The following HAAO variants were observed in gnomAD, a reference collection of about 807,000 sequenced individuals.
HAAO encodes the protein 3-hydroxyanthranilate 3,4-dioxygenase, also known as 3-hydroxyanthranilate oxygenase.
In HAAO, 49 loss-of-function variants were observed where a neutral mutation model predicts 46.2. The ratio of observed to expected loss-of-function variants is 1.06; its 90% CI spans 0.84 to 1.34. The LOEUF is 1.34. Among genes scored for constraint, HAAO ranks in the 40% most tolerant of loss-of-function variants. HAAO has a pLI of 0.00. For synonymous variants in HAAO, 157 were observed against 145.2 expected, an observed-to-expected ratio of 1.08 and a Z score of -0.58; for missense variants, 408 against 364.5, an observed-to-expected ratio of 1.12 and a Z score of -0.97.
chr2:42,778,441 T>G (rs1671750598), intron 4 of HAAO, among the ~76,000 whole-genome samples: 1 of 152,144 alleles, frequency 6.6e-6, no homozygotes, highest in Non-Finnish European at 1.5e-5. Context: ...ACAATTCTTC[T>G]GCCTCAGCCT....
chr2:42,784,235 C>G (rs1672227545), intron 2 of HAAO, among the ~76,000 whole-genome samples: 1 of 152,226 alleles, frequency 6.6e-6, no homozygotes, highest in African/African-American at 2.4e-5. Context: ...ACTTTTCCAC[C>G]AGAAACCTTC....
intron 4 of HAAO, among the ~76,000 whole-genome samples, chr2:42,776,590 A>G (rs1671593233): frequency 1.4e-5 from 2 of 145,636 alleles, no homozygotes; most frequent in African/African-American, 5.1e-5. Flanking sequence ...TCTGTACCTT[A>G]TGATGGAAAT....
chr2:42,776,104 G>A (rs1217623687), intron 4 of HAAO, among the ~76,000 whole-genome samples: 3 of 151,758 alleles, frequency 2.0e-5, no homozygotes, highest in African/African-American at 4.8e-5. Flanking sequence ...CCCAGGATTC[G>A]GTGTGGACTT....
At chr2:42,770,430 G>A in intron 5 of HAAO, 63 bp downstream of exon 5, 2 of 1,185,940 alleles carry the variant, frequency 1.7e-6, no homozygotes, top group Non-Finnish European at 1.2e-6. Flanking sequence ...TTTCTCCCAG[G>A]GCATCAGGTG....
At chr2:42,780,482 A>G (rs1352688446) in intron 4 of HAAO, among the ~76,000 whole-genome samples, 1 of 151,940 alleles carries the variant, frequency 6.6e-6, no homozygotes, top group East Asian at 2.0e-4. Flanking sequence ...CTGGGATTAC[A>G]GGCGTGAGCC....
intron 1 of HAAO, chr2:42,788,897 T>A (rs920229037): frequency 2.5e-6 from 1 of 396,574 alleles, no homozygotes; most frequent in African/African-American, 2.0e-5. Flanking sequence ...TATGGCTTCA[T>A]CAACCAGGAT....
chr2:42,777,680 T>G (rs1381025179), intron 4 of HAAO, among the ~76,000 whole-genome samples: 3 of 152,150 alleles, frequency 2.0e-5, no homozygotes, highest in Non-Finnish European at 4.4e-5. Context: ...AATAATTATG[T>G]AAATGCAATA....
At position 42,767,686 on chromosome 2, in the gene HAAO, G is replaced by A; in HGVS notation, c.700-9C>T. 6.4e-7 allele frequency: 1 copy of A among 1,569,152 alleles called. No individual in the cohort carries two copies. Among genetic ancestry groups the A allele is most frequent in the South Asian group, 1.1e-5 (1 of 87,004 alleles). On this transcript the variant is annotated splice_polypyrimidine_tract_variant and intron_variant, in intron 8 of 9. Transcript: ENST00000294973. The stretch of plus-strand genomic sequence containing the variant: ...ACCACCGAGGAGCCCTCCTGGAGAA[G>A]AGGAGCAGGAGAATCAAATGGAGAC...
chr2:42,767,550 G>A (rs1393652936), intron 9 of HAAO, 35 bp from the exon 10 acceptor site: 1 of 1,592,806 alleles, frequency 6.3e-7, no homozygotes, highest in Admixed American at 1.7e-5. Context: ...ATCACACAGA[G>A]TTGGACCCTG....
chr2:42,778,362 A>C (rs1391314287), intron 4 of HAAO, among the ~76,000 whole-genome samples: 1 of 151,822 alleles, frequency 6.6e-6, no homozygotes, highest in Admixed American at 6.6e-5. Flanking sequence ...GGAGTCTTGC[A>C]CTGTTGCCTG....
intron 2 of HAAO, among the ~76,000 whole-genome samples, chr2:42,788,085 C>A (rs1347403366): frequency 6.6e-6 from 1 of 152,180 alleles, no homozygotes; most frequent in African/African-American, 2.4e-5. Context: ...GCCCCTCGAA[C>A]TCCCTCTGCC....
Position 42,767,475 on chromosome 2 carries a change from C to T in HAAO, c.823G>A (p.Val275Met). The change falls in exon 10 of 10, where the codon GTG becomes ATG. Residue 275 changes from valine to methionine, a missense_variant. Val to Met is a conservative substitution (Grantham distance 21, BLOSUM62 1). Transcript: ENST00000294973. ...ERTQGSVALS[V>M]TQDPACKKPL... ...TTCTTGCAGGCAGGGTCCTGGGTCA[C>T]AGACAGGGCCACAGAGCCTTGTGTT... 2 of 1,613,346 alleles carry T rather than the reference C, an allele frequency of 1.2e-6. No homozygotes were observed. Among genetic ancestry groups the T allele is most frequent in the Non-Finnish European group, 1.7e-6 (2 of 1,179,724 alleles).
rs375446472 is a variant in HAAO, at chr2:42,772,326, C to G, written c.351-1744G>C. Among the ~76,000 whole-genome samples, 273 of 152,084 alleles carry G rather than the reference C, an allele frequency of 1.8e-3. 1 individual carries two copies. Among genetic ancestry groups the G allele is most frequent in the African/African-American group, 6.2e-3 (258 of 41,468 alleles). On this transcript the variant is annotated intron_variant, in intron 4 of 9. Transcript: ENST00000294973. ...TGAAACCTCGTCTCTACTAAAAATACAAAAATTAGCCAGACATGGTGGTGC... is the reference window on the plus strand; with the variant it reads ...TGAAACCTCGTCTCTACTAAAAATAGAAAAATTAGCCAGACATGGTGGTGC...
chr2:42,776,520 G>A (rs1671587992), intron 4 of HAAO, among the ~76,000 whole-genome samples: 1 of 151,796 alleles, frequency 6.6e-6, no homozygotes, highest in Admixed American at 6.6e-5. Context: ...TTATAGGCAT[G>A]AGCCACCATG....
chr2:42,772,003 T>G (rs1671164082), intron 4 of HAAO, among the ~76,000 whole-genome samples: 1 of 152,132 alleles, frequency 6.6e-6, no homozygotes, highest in Non-Finnish European at 1.5e-5. Context: ...CCAGATGAAA[T>G]GTGTTATTGA....
chr2:42,775,394 C>A (rs1167924014), intron 4 of HAAO, among the ~76,000 whole-genome samples: 1 of 151,876 alleles, frequency 6.6e-6, no homozygotes, highest in Non-Finnish European at 1.5e-5. Flanking sequence ...CCAGGCAAAA[C>A]TGAAAGAGCA....
chr2:42,767,713 G>T, intron 8 of HAAO, 36 bp from the exon 9 acceptor site: 1 of 1,555,564 alleles, frequency 6.4e-7, no homozygotes, highest in Non-Finnish European at 8.8e-7. Context: ...AATGGAGACT[G>T]TTGGGCCTCA....
At chr2:42,785,305 G>T (rs944108431) in intron 2 of HAAO, among the ~76,000 whole-genome samples, 4 of 152,144 alleles carry the variant, frequency 2.6e-5, no homozygotes, top group African/African-American at 9.7e-5. Flanking sequence ...ATATTTGATG[G>T]TAGATTCAAA....
chr2:42,775,591 T>TGTC (rs1356270497), intron 4 of HAAO, among the ~76,000 whole-genome samples: 2 of 152,088 alleles, frequency 1.3e-5, no homozygotes, highest in African/African-American at 4.8e-5. Flanking sequence ...CCTAGGACCT[T>TGTC]GTCTTTTTTT....
Sources: gnomAD v4.1 joint callset for allele counts (sites outside exome capture counted in the v4.1 genomes callset) on GRCh38, gnomAD v4.1.1 for gene constraint, MANE v1.5 for transcripts, NCBI Gene and HGNC (gene_info 2026-07-23, HGNC 2026-07-21) for gene names.